Variants in ELMO1 observed in about 807,000 individuals in gnomAD.
ELMO1 encodes the protein engulfment and cell motility 1.
In ELMO1, 26 loss-of-function variants were observed where a neutral mutation model predicts 98.9. The observed-to-expected ratio is 0.26, with a 90% CI of 0.19 to 0.36. The LOEUF (loss-of-function observed/expected upper bound fraction) is 0.36, where lower values mean the gene tolerates loss of function less well. Ranked by LOEUF, ELMO1 falls within the 10% of genes least tolerant of loss-of-function variation. The probability of loss-of-function intolerance (pLI) is 1.00; values close to 1 mark genes in which losing one functional copy is unlikely to be tolerated. For synonymous variants in ELMO1, 346 were observed against 346.0 expected, an observed-to-expected ratio of 1.00 and a Z score of 0.00; for missense variants, 627 against 935.2, an observed-to-expected ratio of 0.67 and a Z score of 4.30.
intron 1 of ELMO1, among the ~76,000 whole-genome samples, chr7:37,378,209 C>T (rs779906835): frequency 6.6e-5 from 10 of 152,164 alleles, no homozygotes; most frequent in Non-Finnish European, 1.0e-4. Flanking sequence ...GGGACTCTGC[C>T]CTGGGACAGC....
chr7:37,195,069 G>C (rs994494143), intron 13 of ELMO1, among the ~76,000 whole-genome samples: 7 of 152,164 alleles, frequency 4.6e-5, no homozygotes, highest in African/African-American at 1.7e-4. Context: ...TACAAACTAC[G>C]TGCTGAAACG....
At chr7:36,868,632 G>A (rs1803245482) in intron 20 of ELMO1, among the ~76,000 whole-genome samples, 2 of 152,192 alleles carry the variant, frequency 1.3e-5, no homozygotes, top group Admixed American at 1.3e-4. Flanking sequence ...ACAGGCGCGA[G>A]CCACCACACC....
intron 15 of ELMO1, among the ~76,000 whole-genome samples, chr7:37,046,311 A>T (rs1020681111): frequency 3.3e-5 from 5 of 152,228 alleles, no homozygotes; most frequent in Non-Finnish European, 5.9e-5. Context: ...TAAGTAAGTC[A>T]GAACATCTCA....
At chr7:37,043,712 G>A (rs1209824953) in intron 15 of ELMO1, among the ~76,000 whole-genome samples, 1 of 152,168 alleles carries the variant, frequency 6.6e-6, no homozygotes, top group East Asian at 1.9e-4. Flanking sequence ...AAGGTTCCCG[G>A]TGAATCTAAT....
chr7:36,875,438 GATAA>G (rs1028429610), intron 19 of ELMO1, among the ~76,000 whole-genome samples: 1 of 152,072 alleles, frequency 6.6e-6, no homozygotes, highest in African/African-American at 2.4e-5. Context: ...TACTTGTGCA[GATAA>G]ATAGATCCAC....
chr7:37,017,520 G>A (rs115349748), intron 15 of ELMO1, among the ~76,000 whole-genome samples: 1 of 152,306 alleles, frequency 6.6e-6, no homozygotes, highest in African/African-American at 2.4e-5. Context: ...GCTGGGCACT[G>A]TTCCCAGGAA....
intron 6 of ELMO1, among the ~76,000 whole-genome samples, chr7:37,252,453 C>T (rs923891457): frequency 6.6e-6 from 1 of 152,136 alleles, no homozygotes; most frequent in Non-Finnish European, 1.5e-5. Context: ...TGATCTTTGA[C>T]AAACCTGATA....
intron 1 of ELMO1, among the ~76,000 whole-genome samples, chr7:37,384,988 A>G (rs1802735891): frequency 6.6e-6 from 1 of 152,264 alleles, no homozygotes; most frequent in African/African-American, 2.4e-5. Flanking sequence ...TGCAAAAAGT[A>G]TATATTCCAT....
chr7:37,077,337 G>C (rs954602685), intron 15 of ELMO1, among the ~76,000 whole-genome samples: 1 of 152,208 alleles, frequency 6.6e-6, no homozygotes, highest in African/African-American at 2.4e-5. Flanking sequence ...CAAGCACAGG[G>C]ATGGAAAGGA....
chr7:37,192,113 G>C (rs894023118), intron 13 of ELMO1, among the ~76,000 whole-genome samples: 1 of 152,198 alleles, frequency 6.6e-6, no homozygotes, highest in Non-Finnish European at 1.5e-5. Flanking sequence ...GTGATTTCTC[G>C]TGTGTGTGTT....
chr7:36,939,612 A>G (rs1470407507), intron 16 of ELMO1, among the ~76,000 whole-genome samples: 1 of 152,284 alleles, frequency 6.6e-6, no homozygotes. Flanking sequence ...AACAGAATAC[A>G]TGGGAAGCAT....
chr7:36,871,422 G>T (rs962475393), intron 19 of ELMO1, among the ~76,000 whole-genome samples: 1 of 152,138 alleles, frequency 6.6e-6, no homozygotes. Flanking sequence ...TCAACTGAAA[G>T]AAAGAAGGCA....
chr7:36,924,757 T>C (rs955767219), intron 16 of ELMO1, among the ~76,000 whole-genome samples: 2 of 151,886 alleles, frequency 1.3e-5, no homozygotes, highest in African/African-American at 4.8e-5. Context: ...AGCACCCCCA[T>C]GGTGGGGGGT....
intron 16 of ELMO1, among the ~76,000 whole-genome samples, chr7:36,936,075 C>T (rs956932186): frequency 2.0e-5 from 3 of 152,158 alleles, no homozygotes; most frequent in African/African-American, 4.8e-5. Flanking sequence ...ACCACCCCAC[C>T]CACCTCCAGA....
chr7:37,407,670 A>C lies in ELMO1; in HGVS notation c.-74+41005T>G, dbSNP rs1343080431. Reference sequence around the variant, plus strand: ...CGGTAGTTGCCAGCAATATGCAGTGAGAGAGGGATGCATTTGTGGACTGCA... The same window carrying C: ...CGGTAGTTGCCAGCAATATGCAGTGCGAGAGGGATGCATTTGTGGACTGCA... On this transcript the variant is annotated intron_variant, in intron 1 of 21. Transcript: ENST00000310758. Among the ~76,000 whole-genome samples the C allele has an allele frequency of 3.3e-5, 5 of 152,204 alleles. No individual in the cohort carries two copies. In the East Asian group the frequency reaches 9.6e-4, roughly 29 times the overall value.
intron 15 of ELMO1, among the ~76,000 whole-genome samples, chr7:37,021,284 G>A (rs765158187): frequency 5.9e-5 from 9 of 152,116 alleles, no homozygotes; most frequent in Non-Finnish European, 1.3e-4. Flanking sequence ...TTAAACCTTC[G>A]CAGCTCTTCT....
chr7:37,337,336 T>C (rs1367802208), intron 2 of ELMO1, among the ~76,000 whole-genome samples: 1 of 150,420 alleles, frequency 6.6e-6, no homozygotes, highest in Non-Finnish European at 1.5e-5. Context: ...TGAGAACACA[T>C]GGACACAGGA....
At chr7:36,952,791 GA>G (rs1026167299) in intron 16 of ELMO1, among the ~76,000 whole-genome samples, 4 of 150,006 alleles carry the variant, frequency 2.7e-5, no homozygotes, top group East Asian at 1.9e-4. Flanking sequence ...AGCTGGGAAG[GA>G]AAAAAAAATA....
intron 6 of ELMO1, among the ~76,000 whole-genome samples, chr7:37,249,886 C>T (rs1795241965): frequency 6.6e-6 from 1 of 152,162 alleles, no homozygotes; most frequent in Admixed American, 6.5e-5. Flanking sequence ...CAACACCAGC[C>T]TGGGAAACAC....
Sources: allele counts gnomAD v4.1 joint callset (sites outside exome capture counted in the v4.1 genomes callset), GRCh38; gene constraint gnomAD v4.1.1; transcripts MANE v1.5; gene names NCBI Gene and HGNC (gene_info 2026-07-23, HGNC 2026-07-21).